Variants in XKR9 observed in about 807,000 individuals in gnomAD.
The protein encoded by XKR9 is XK related 9, also known as XK-related protein 9.
XKR9 carries 32 observed loss-of-function variants against 32.0 expected under a neutral mutation model. The ratio of observed to expected loss-of-function variants is 1.00; its 90% confidence interval spans 0.76 to 1.34. XKR9 has a LOEUF of 1.34. XKR9 is among the 40% of genes most tolerant of loss of function. XKR9 has a pLI of 0.00. For missense variants in XKR9, 546 were observed against 429.7 expected, an observed-to-expected ratio of 1.27 and a Z score of -2.39; for synonymous variants, 168 against 143.4, an observed-to-expected ratio of 1.17 and a Z score of -1.22.
chr8:70,931,146 A>T, the XKR9 span, among the ~76,000 whole-genome samples: 2 of 132,092 alleles, frequency 1.5e-5, no homozygotes, highest in Non-Finnish European at 1.5e-5. Context: ...TTCAAGCTTA[A>T]GTAAAAAAAA....
the XKR9 span, among the ~76,000 whole-genome samples, chr8:70,971,795 T>C: frequency 6.6e-6 from 1 of 151,928 alleles, no homozygotes; most frequent in East Asian, 1.9e-4. Flanking sequence ...ATTTCTGGGT[T>C]TCCTATCTGT....
At chr8:70,676,761 G>C (rs573581986) in intron 2 of XKR9, among the ~76,000 whole-genome samples, 1 of 152,122 alleles carries the variant, frequency 6.6e-6, no homozygotes, top group Non-Finnish European at 1.5e-5. Context: ...GATAGTCCCA[G>C]CTACTCAGGA....
chr8:70,673,538 C>A (rs969817054), intron 1 of XKR9, among the ~76,000 whole-genome samples: 3 of 152,174 alleles, frequency 2.0e-5, no homozygotes, highest in African/African-American at 4.8e-5. Context: ...TGTGGTGGCT[C>A]ACGCCTGTAA....
chr8:70,971,600 G>T, the XKR9 span, among the ~76,000 whole-genome samples: 43 of 152,112 alleles, frequency 2.8e-4, no homozygotes, highest in Non-Finnish European at 5.7e-4. Context: ...TTCAGACTTA[G>T]ATTTAAGTCT....
chr8:70,699,597 T>G (rs1805436485), intron 3 of XKR9, among the ~76,000 whole-genome samples: 1 of 152,206 alleles, frequency 6.6e-6, no homozygotes, highest in African/African-American at 2.4e-5. Flanking sequence ...CCAACCTTTC[T>G]CTCTGGCTGC....
chr8:70,943,642 T>C, the XKR9 span, among the ~76,000 whole-genome samples: 1 of 152,126 alleles, frequency 6.6e-6, no homozygotes, highest in Admixed American at 6.5e-5. Flanking sequence ...TTTCTCCTTC[T>C]CTTTCCCATA....
At chr8:70,811,672 A>T in the XKR9 span, among the ~76,000 whole-genome samples, 9 of 152,244 alleles carry the variant, frequency 5.9e-5, no homozygotes, top group African/African-American at 2.2e-4. Flanking sequence ...CCTCTACACA[A>T]ATAAACTAGA....
the XKR9 span, among the ~76,000 whole-genome samples, chr8:70,958,825 T>C: frequency 6.6e-6 from 1 of 152,188 alleles, no homozygotes; most frequent in South Asian, 2.1e-4. Flanking sequence ...TCAAGTTACT[T>C]AGCTTCTGTA....
chr8:70,931,498 C>T, the XKR9 span, among the ~76,000 whole-genome samples: 1 of 152,164 alleles, frequency 6.6e-6, no homozygotes, highest in East Asian at 1.9e-4. Flanking sequence ...GTCCTTAAGG[C>T]CTTTTCAGCT....
intron 2 of XKR9, among the ~76,000 whole-genome samples, chr8:70,751,170 C>A (rs62532069): frequency 0.33 from 50,262 of 152,026 alleles, 9,441 homozygotes; most frequent in Non-Finnish European, 0.43. Context: ...ACTCTGTCGC[C>A]CAGGCTGGAG....
chr8:70,753,471 AT>A (rs1344232725), intron 2 of XKR9, among the ~76,000 whole-genome samples: 2 of 152,198 alleles, frequency 1.3e-5, no homozygotes, highest in African/African-American at 4.8e-5. Context: ...AAAAAAGAGA[AT>A]TTTAGACCAA....
chr8:70,989,798 A>G, the XKR9 span, among the ~76,000 whole-genome samples: 1 of 152,206 alleles, frequency 6.6e-6, no homozygotes, highest in Admixed American at 6.5e-5. Flanking sequence ...TTTGTCATCA[A>G]CCTAAACAGA....
chr8:70,991,583 A>G, the XKR9 span, among the ~76,000 whole-genome samples: 3 of 152,188 alleles, frequency 2.0e-5, no homozygotes, highest in Non-Finnish European at 4.4e-5. Flanking sequence ...ATTTCTCTTA[A>G]CAGCGTGACT....
chr8:70,714,387 G>A (rs1054061859), intron 4 of XKR9, among the ~76,000 whole-genome samples: 2 of 151,642 alleles, frequency 1.3e-5, no homozygotes, highest in Non-Finnish European at 2.9e-5. Context: ...ACAAAAGAAA[G>A]AAAAATAATA....
chr8:70,714,537 G>A (rs13264669), intron 4 of XKR9, among the ~76,000 whole-genome samples: 61,105 of 151,620 alleles, frequency 0.4, 13,870 homozygotes, highest in Non-Finnish European at 0.52. Flanking sequence ...TGGTCGATTG[G>A]AATTTGGTTT....
chr8:70,899,410 A>C, the XKR9 span, among the ~76,000 whole-genome samples: 1 of 147,310 alleles, frequency 6.8e-6, no homozygotes, highest in Non-Finnish European at 1.5e-5. Context: ...CCTTTTTCCA[A>C]TCCCTTTGCC....
chr8:71,036,833 A>T, the XKR9 span, among the ~76,000 whole-genome samples: 1 of 146,150 alleles, frequency 6.8e-6, no homozygotes, highest in Non-Finnish European at 1.5e-5. Flanking sequence ...CCTTTTGCTG[A>T]TTCATAATTT....
At chr8:70,842,372 A>C in the XKR9 span, among the ~76,000 whole-genome samples, 2 of 152,184 alleles carry the variant, frequency 1.3e-5, no homozygotes, top group African/African-American at 4.8e-5. Context: ...CAAGACCTGG[A>C]TTCAGCCATT....
downstream of XKR9, among the ~76,000 whole-genome samples, chr8:70,739,376 G>C (rs1806924817): frequency 6.6e-6 from 1 of 152,156 alleles, no homozygotes; most frequent in Non-Finnish European, 1.5e-5. Flanking sequence ...CACATGAGAT[G>C]GGTTTCCTGA....
Sources: gnomAD v4.1 joint callset for allele counts (sites outside exome capture counted in the v4.1 genomes callset) on GRCh38, gnomAD v4.1.1 for gene constraint, MANE v1.5 for transcripts, NCBI Gene and HGNC (gene_info 2026-07-23, HGNC 2026-07-21) for gene names.